Variants in PDIA3 observed in about 807,000 individuals in gnomAD.
The protein encoded by PDIA3 is protein disulfide-isomerase A3.
In PDIA3, 16 loss-of-function variants were observed where a neutral mutation model predicts 56.9. The ratio of observed to expected loss-of-function variants is 0.28; its 90% CI spans 0.19 to 0.43. PDIA3 has a LOEUF of 0.43. PDIA3 is among the 20% of genes least tolerant of loss of function. The pLI is 1.00. For synonymous variants in PDIA3, 192 were observed against 216.5 expected, an observed-to-expected ratio of 0.89 and a Z score of 0.99; for missense variants, 485 against 621.3, an observed-to-expected ratio of 0.78 and a Z score of 2.33.
At chr15:43,757,484 G>A (rs1480847015) in intron 3 of PDIA3, among the ~76,000 whole-genome samples, 1 of 151,778 alleles carries the variant, frequency 6.6e-6, no homozygotes, top group Non-Finnish European at 1.5e-5. Flanking sequence ...GGTGAACCTG[G>A]GAGGCGGAGC....
chr15:43,758,131 G>C lies in PDIA3; in HGVS notation c.364+1365G>C, dbSNP rs771917630. On this transcript the variant is annotated intron_variant, in intron 3 of 12. Transcript: ENST00000300289. ...TACATGCCTGTAATCCCAGCTACTC[G>C]GGAGGCTGAGGCAGGAGAATCGCTT... 5.1e-4 allele frequency among the ~76,000 whole-genome samples: 77 copies of C among 150,866 alleles called. 1 individual carries two copies. Among genetic ancestry groups the C allele is most frequent in the Non-Finnish European group, 1.0e-3 (70 of 67,646 alleles).
At chr15:43,748,489 A>C (rs561092990) in intron 1 of PDIA3, among the ~76,000 whole-genome samples, 4 of 152,102 alleles carry the variant, frequency 2.6e-5, no homozygotes, top group South Asian at 2.1e-4. Context: ...AAAAAAAAAA[A>C]CCAGAATTTT....
intron 12 of PDIA3, 37 bp from the exon 13 acceptor site, chr15:43,771,065 TTAA>T (rs1226537033): frequency 7.1e-7 from 1 of 1,412,484 alleles, no homozygotes. Context: ...TCAGGGTTCT[TTAA>T]AAAGTTACAC....
At chr15:43,747,795 C>A (rs2086716900) in intron 1 of PDIA3, among the ~76,000 whole-genome samples, 2 of 152,142 alleles carry the variant, frequency 1.3e-5, no homozygotes, top group African/African-American at 4.8e-5. Flanking sequence ...GTCTTCCCTT[C>A]TTAGCCTCAA....
At chr15:43,758,543 A>G (rs1018339333) in intron 3 of PDIA3, among the ~76,000 whole-genome samples, 1 of 151,648 alleles carries the variant, frequency 6.6e-6, no homozygotes, top group Admixed American at 6.6e-5. Context: ...CTGTAATCCC[A>G]GCTACCTGGG....
chr15:43,756,685 T>A lies in PDIA3; in HGVS notation c.283T>A (p.Tyr95Asn). Residue 95 changes from tyrosine to asparagine, a missense_variant, in exon 3 of 13, where the codon TAT (tyrosine) becomes AAT (asparagine). Tyr to Asn is a moderately radical substitution (Grantham distance 143). Coordinates refer to ENST00000300289, the MANE Select transcript of PDIA3 (RefSeq NM_005313.5). The stretch of plus-strand genomic sequence containing the variant: ...TGCCAACACTAACACCTGTAATAAA[T>A]ATGGAGTCAGTGGATATCCAACCCT... ...CTANTNTCNK[Y>N]GVSGYPTLKI... is the part of the protein sequence containing the mutation. 1 of 1,608,086 alleles carries A rather than the reference T, an allele frequency of 6.2e-7. No homozygotes were observed.
chr15:43,746,907 C>T lies in PDIA3; in HGVS notation c.167+201C>T. On this transcript the variant is annotated intron_variant, in intron 1 of 12. Coordinates refer to ENST00000300289, the MANE Select transcript of PDIA3 (RefSeq NM_005313.5). ...CGGTGCTGATCGGCCCAAGGAAAAC[C>T]CGAAGGCTGCGCTCACGCAGGGCCT... 7 of 596,284 alleles carry T rather than the reference C, an allele frequency of 1.2e-5. No individual in the cohort carries two copies. The South Asian group carries it at 1.4e-4, about 12-fold the overall frequency. 36.9% of individuals were successfully genotyped at this position (596,284 alleles called of 1,614,324 possible). A position where few individuals can be genotyped will look rare whatever the true frequency, so the allele number is the denominator to read the frequency against.
intron 2 of PDIA3, among the ~76,000 whole-genome samples, chr15:43,754,162 G>A (rs900652424): frequency 6.6e-6 from 1 of 151,932 alleles, no homozygotes; most frequent in African/African-American, 2.4e-5. Flanking sequence ...TTGGGAGGCC[G>A]AGGTGGGTGG....
At chr15:43,767,333 C>T (rs2086853652) in intron 8 of PDIA3, among the ~76,000 whole-genome samples, 1 of 151,974 alleles carries the variant, frequency 6.6e-6, no homozygotes. Flanking sequence ...GCCTGGGCAA[C>T]AAGAGCGAAA....
In PDIA3 at chr15:43,756,705, A is replaced by G; in HGVS notation, c.303A>G (p.Pro101=). 6.2e-7 allele frequency: 1 copy of G among 1,610,940 alleles called. No individual in the cohort carries two copies. Residue 101 remains proline (P), a synonymous_variant, in exon 3 of 13, where the codon CCA becomes CCG. Transcript: ENST00000300289. ...TCNKYGVSGY[P]TLKIFRDGEE... is the part of the protein sequence containing the mutation. Reference sequence around the variant, plus strand: ...ATAAATATGGAGTCAGTGGATATCCAACCCTGAAGATATTTAGAGATGGTG... The same window carrying G: ...ATAAATATGGAGTCAGTGGATATCCGACCCTGAAGATATTTAGAGATGGTG...
At position 43,772,881 on chromosome 15, in the gene PDIA3, C is replaced by A; in HGVS notation, c.*1663C>A. On this transcript the variant is annotated 3_prime_UTR_variant, in exon 13 of 13. Coordinates refer to ENST00000300289, the MANE Select transcript of PDIA3 (RefSeq NM_005313.5). The stretch of plus-strand genomic sequence containing the variant: ...TGAACTAAAGGTAAAAAAGCCAAGC[C>A]TCTGTCACTTTTCCTAGACTCCTAG... 2.7e-6 allele frequency: 1 copy of A among 367,246 alleles called. No homozygotes were observed. Among genetic ancestry groups the A allele is most frequent in the Non-Finnish European group, 4.8e-6 (1 of 207,166 alleles). 22.7% of individuals were successfully genotyped at this position (367,246 alleles called of 1,614,324 possible). A position where few individuals can be genotyped will look rare whatever the true frequency, so the allele number is the denominator to read the frequency against.
intron 3 of PDIA3, among the ~76,000 whole-genome samples, chr15:43,760,864 T>C (rs1029693214): frequency 2.0e-5 from 3 of 151,816 alleles, no homozygotes; most frequent in Admixed American, 6.6e-5. Context: ...AAAAACGCTA[T>C]GCCACTGTAA....
intron 7 of PDIA3, 91 bp from the exon 8 acceptor site, chr15:43,766,637 A>G: frequency 1.0e-6 from 1 of 964,026 alleles, no homozygotes; most frequent in Non-Finnish European, 1.6e-6. Context: ...TATAGAACTT[A>G]GTCTTTGCTT....
chr15:43,749,540 TC>T (rs1416247986), intron 1 of PDIA3, among the ~76,000 whole-genome samples: 1 of 152,164 alleles, frequency 6.6e-6, no homozygotes, highest in Non-Finnish European at 1.5e-5. Context: ...ATTCCTGTAA[TC>T]CCAGCAGTTT....
chr15:43,761,372 T>C (rs2086814914), intron 3 of PDIA3, 52 bp from the exon 4 acceptor site: 1 of 1,003,516 alleles, frequency 1.0e-6, no homozygotes, highest in Non-Finnish European at 1.5e-6. Context: ...AATTGCCTTC[T>C]CAAAAATTAT....
chr15:43,754,014 T>G lies in PDIA3; in HGVS notation c.246+112T>G, dbSNP rs1200789402. Reference sequence around the variant, plus strand: ...AACAGTAATAAATAGTTTGTAAGATTAACATTCATTTTCTCTACTCTTATT... The same window carrying G: ...AACAGTAATAAATAGTTTGTAAGATGAACATTCATTTTCTCTACTCTTATT... On this transcript the variant is annotated intron_variant, in intron 2 of 12. Transcript: ENST00000300289. 12 of 742,788 alleles carry G rather than the reference T, an allele frequency of 1.6e-5. No homozygotes were observed. The South Asian group carries it at 1.7e-4, about 11-fold the overall frequency. The allele number at this position is 742,788 out of a possible 1,614,324, so 46.0% of individuals were successfully genotyped here.
At chr15:43,761,729 TGTG>T (rs899776094) in intron 4 of PDIA3, among the ~76,000 whole-genome samples, 198 bp downstream of exon 4, 1 of 152,042 alleles carries the variant, frequency 6.6e-6, no homozygotes, top group Non-Finnish European at 1.5e-5. Flanking sequence ...GTAATTATAA[TGTG>T]GGGGGCAATT....
chr15:43,764,550 C>T (rs2086836648), intron 5 of PDIA3, among the ~76,000 whole-genome samples: 1 of 152,118 alleles, frequency 6.6e-6, no homozygotes, highest in South Asian at 2.1e-4. Context: ...TCACTACAAC[C>T]TCCGCCTCCT....
At chr15:43,758,356 T>A (rs553538008) in intron 3 of PDIA3, among the ~76,000 whole-genome samples, 1 of 151,974 alleles carries the variant, frequency 6.6e-6, no homozygotes, top group East Asian at 2.0e-4. Flanking sequence ...GTATGTTGGT[T>A]CCTTTAAAAA....
Sources: gnomAD v4.1 joint callset for allele counts (sites outside exome capture counted in the v4.1 genomes callset) on GRCh38, gnomAD v4.1.1 for gene constraint, MANE v1.5 for transcripts, NCBI Gene and HGNC (gene_info 2026-07-23, HGNC 2026-07-21) for gene names.